CAPN15: variants seen among roughly 807,000 people sequenced by gnomAD.
CAPN15 encodes calpain 15.
In CAPN15, 53 loss-of-function variants were observed where a neutral mutation model predicts 97.9. The ratio of observed to expected loss-of-function variants is 0.54; its 90% CI spans 0.43 to 0.68. CAPN15 has a LOEUF of 0.68. Ranked by LOEUF, CAPN15 falls within the 30% of genes least tolerant of loss-of-function variation. The pLI, the probability that CAPN15 is intolerant of heterozygous loss-of-function variation, is 0.00. For missense variants in CAPN15, 1,592 were observed against 1,589.8 expected (o/e 1.00, Z -0.02); for synonymous variants, 922 against 722.5 (o/e 1.28, Z -4.43).
chr16:547,053 A>T lies in CAPN15; in HGVS notation c.215A>T (p.Glu72Val). 1 of 1,606,146 alleles carries T rather than the reference A, an allele frequency of 6.2e-7. No individual in the cohort carries two copies. The highest frequency in any genetic ancestry group is 8.5e-7 in the Non-Finnish European group (1 of 1,178,260). Residue 72 changes from glutamate to valine, a missense_variant, in exon 4 of 14, where the codon GAG (glutamate) becomes GTG (valine). Glu to Val is a moderately radical substitution (Grantham distance 121). Transcript: ENST00000219611. ...TGCGAGGTGTGCGGCTTCACCCCGG[A>T]GCCTGCGCCTGGGGCTGCCTTCCTG... is the stretch of plus-strand genomic sequence containing the variant. Reference protein sequence around the residue: ...EACEVCGFTPEPAPGAAFLPV... With the variant: ...EACEVCGFTPVPAPGAAFLPV...
chr16:552,304 C>T lies in CAPN15; in HGVS notation c.2511C>T (p.Arg837=). The T allele has an allele frequency of 6.4e-7, 1 of 1,555,432 alleles. No homozygotes were observed. Among genetic ancestry groups the T allele is most frequent in the Non-Finnish European group, 8.7e-7 (1 of 1,155,046 alleles). ...EFALFQEGSR[R]SDAVDSHLLD... ...TGGCCCGTGGTGTCTGGCGCAGGCG[C>T]TCGGACGCCGTGGACAGCCACCTGC... Residue 837 remains arginine, a synonymous_variant, in exon 11 of 14, where the codon CGC becomes CGT. Coordinates refer to ENST00000219611, the MANE Select transcript of CAPN15 (RefSeq NM_005632.3). The surrounding 1 kb of genome is among the most constrained non-coding windows in gnomAD (Gnocchi z 6.4).
At chr16:542,584 C>G (rs1253590980) in intron 3 of CAPN15, among the ~76,000 whole-genome samples, 1 of 152,052 alleles carries the variant, frequency 6.6e-6, no homozygotes, top group East Asian at 1.9e-4. Flanking sequence ...TTTTTTCATT[C>G]ATTCACTTAT....
In CAPN15 at chr16:549,163, G is replaced by T. The variant is rs368519251; in HGVS notation, c.1620G>T (p.Arg540=). The T allele has an allele frequency of 9.3e-6, 14 of 1,503,906 alleles. No individual in the cohort carries two copies. Among genetic ancestry groups the T allele is most frequent in the Non-Finnish European group, 1.2e-5 (13 of 1,122,022 alleles). 93.2% of individuals were successfully genotyped at this position (1,503,906 alleles called of 1,614,324 possible). A position where few individuals can be genotyped will look rare whatever the true frequency, so the allele number is the denominator to read the frequency against. The change falls in exon 5 of 14, where the codon CGG becomes CGT. Residue 540 remains arginine, a synonymous_variant. Coordinates refer to ENST00000219611, the MANE Select transcript of CAPN15 (RefSeq NM_005632.3). ...CGTGGTCTGTGTTCCACACACTGCG[G>T]CCCTCAGACATCCTGCAGGGGCTGC... The part of the protein sequence containing the change: ...RATWSVFHTL[R]PSDILQGLLG...
intron 3 of CAPN15, among the ~76,000 whole-genome samples, chr16:544,860 C>G (rs1383414023): frequency 1.2e-5 from 1 of 85,432 alleles, no homozygotes; most frequent in Non-Finnish European, 2.1e-5. Flanking sequence ...TCGCCTCCCC[C>G]ACGTCGCCTC....
At chr16:541,599 T>C (rs1181698673) in intron 3 of CAPN15, among the ~76,000 whole-genome samples, 1 of 152,224 alleles carries the variant, frequency 6.6e-6, no homozygotes, top group Non-Finnish European at 1.5e-5. Flanking sequence ...CGACAACAGC[T>C]TTGTTGAGGT....
In CAPN15 at chr16:552,260, C is replaced by CCGTGACCA; in HGVS notation, c.2508-38_2508-31dup. 6.5e-7 allele frequency: 1 copy of CCGTGACCA among 1,535,134 alleles called. No individual in the cohort carries two copies. The highest frequency in any genetic ancestry group is 1.2e-5 in the South Asian group (1 of 83,548). ...GGGCTGGGCTGGGCTAGGCTGGCGG[C>CCGTGACCA]CGTGACCACGCGTGACCCTGGCCCG... On this transcript the variant is annotated intron_variant, in intron 10 of 13. Coordinates refer to ENST00000219611, the MANE Select transcript of CAPN15 (RefSeq NM_005632.3). This position sits in a 1 kb window ranked among gnomAD's most constrained non-coding sequence, Gnocchi z 6.4.
At chr16:534,469 C>A (rs1596321755) in intron 2 of CAPN15, among the ~76,000 whole-genome samples, 1 of 152,286 alleles carries the variant, frequency 6.6e-6, no homozygotes, top group Middle Eastern at 3.4e-3. Context: ...ACGTCCTCCC[C>A]CAGGGCGGGG....
intron 7 of CAPN15, 99 bp from the exon 8 acceptor site, chr16:551,187 CCCCGGTCGGTGAGGGT>C (rs1359532781): frequency 5.9e-6 from 8 of 1,359,878 alleles, no homozygotes; most frequent in African/African-American, 2.0e-5. Flanking sequence ...TCGGTGAGGG[CCCCGGTCGGTGAGGGT>C]CCCCAGTCGG....
chr16:537,284 G>A (rs2033801097), intron 3 of CAPN15: 1 of 985,426 alleles, frequency 1.0e-6, no homozygotes, highest in Non-Finnish European at 1.2e-6. Context: ...GTGAGCGCAG[G>A]GGAGCAGGAG....
rs757114864 is a variant in CAPN15 at position 549,766 on chromosome 16, C to A, written c.1994C>A (p.Ser665Tyr). The A allele has an allele frequency of 9.4e-6, 15 of 1,592,456 alleles. No individual in the cohort carries two copies. Among genetic ancestry groups the A allele is most frequent in the African/African-American group, 2.7e-5 (2 of 74,234 alleles). The change falls in exon 7 of 14, where the codon TCC becomes TAC. Residue 665 changes from serine (S) to tyrosine (Y), a missense_variant. This residue lies in a region of CAPN15 where 644 missense variants were observed against 699.6 expected (regional missense o/e 0.92). Coordinates refer to ENST00000219611, the MANE Select transcript of CAPN15 (RefSeq NM_005632.3). The part of the protein sequence containing the change: ...PCESLALQLS[S>Y]TNPREEPVDT... ...GAGAGCCTGGCGCTGCAGCTCAGCT[C>A]CACTAACCCCCGCGAGGAGCCCGTT...
intron 3 of CAPN15, chr16:540,466 A>G (rs1218865938): frequency 1.9e-6 from 1 of 522,468 alleles, no homozygotes; most frequent in African/African-American, 2.1e-5. Flanking sequence ...CTTGCAGAGA[A>G]GTGGGTCCCT....
Position 549,314 on chromosome 16 carries a change from C to T in CAPN15, c.1685C>T (p.Ala562Val), listed in dbSNP as rs1022265639. 48 of 1,591,542 alleles carry T rather than the reference C, an allele frequency of 3.0e-5. No individual in the cohort carries two copies. Among genetic ancestry groups the T allele is most frequent in the Non-Finnish European group, 3.7e-5 (44 of 1,175,990 alleles). Reference protein sequence around the residue: ...CWFLSALAVLAERPDLVERVM... With the variant: ...CWFLSALAVLVERPDLVERVM... Reference sequence around the variant, plus strand: ...TTCCTGAGCGCCCTGGCGGTGCTGGCGGAGCGGCCGGACCTGGTGGAGCGG... The same window carrying T: ...TTCCTGAGCGCCCTGGCGGTGCTGGTGGAGCGGCCGGACCTGGTGGAGCGG... Residue 562 changes from alanine (A) to valine (V), a missense_variant, in exon 6 of 14, where the codon GCG becomes GTG. Physicochemically the swap from Ala to Val is moderately conservative, Grantham distance 64. Coordinates refer to ENST00000219611, the MANE Select transcript of CAPN15 (RefSeq NM_005632.3).
rs1241433784 is a variant in CAPN15 at position 547,251 on chromosome 16, A to G, written c.413A>G (p.Glu138Gly). 6 of 1,509,810 alleles carry G rather than the reference A, an allele frequency of 4.0e-6. No homozygotes were observed. Among genetic ancestry groups the G allele is most frequent in the Non-Finnish European group, 4.4e-6 (5 of 1,134,952 alleles). The allele number at this position is 1,509,810 out of a possible 1,614,324, so 93.5% of individuals were successfully genotyped here. ...GAGAAGGAGGAGCAGGAGGAGGAGGAGGGAGCGGCGGAGCCCAGAGGGGGC... is the reference window on the plus strand; with the variant it reads ...GAGAAGGAGGAGCAGGAGGAGGAGGGGGGAGCGGCGGAGCCCAGAGGGGGC... ...EEEKEEQEEE[E>G]GAAEPRGGWA... is the part of the protein sequence containing the mutation. The change falls in exon 4 of 14, where the codon GAG (glutamate) becomes GGG (glycine). Residue 138 changes from glutamate (E) to glycine (G), a missense_variant. Transcript: ENST00000219611.
intron 3 of CAPN15, among the ~76,000 whole-genome samples, chr16:545,713 G>A (rs114694375): frequency 0.044 from 6,775 of 152,324 alleles, 293 homozygotes; most frequent in African/African-American, 0.11. Context: ...AGGGCCAAAG[G>A]GAGGGTGTGT....
intron 1 of CAPN15, among the ~76,000 whole-genome samples, chr16:529,259 G>A (rs913388926): frequency 2.0e-5 from 3 of 152,138 alleles, no homozygotes; most frequent in African/African-American, 7.2e-5. Flanking sequence ...AACTGCGCAG[G>A]GCCTCTTGTC....
At position 549,203 on chromosome 16, in the gene CAPN15, T is replaced by C; in HGVS notation, c.1658+2T>C. On this transcript the variant is annotated splice_donor_variant, in intron 5 of 13. Coordinates refer to ENST00000219611, the MANE Select transcript of CAPN15 (RefSeq NM_005632.3). LOFTEE classifies it high-confidence loss of function. ...GCAGGGGCTGCTGGGGAACTGCTGG[T>C]GAGGCCTTCTCCAAGGCCGGGGTGG... 1.0e-6 allele frequency: 1 copy of C among 967,052 alleles called. No individual in the cohort carries two copies. Among genetic ancestry groups the C allele is most frequent in the Middle Eastern group, 3.0e-4 (1 of 3,372 alleles). The allele number at this position is 967,052 out of a possible 1,614,324, so 59.9% of individuals were successfully genotyped here.
chr16:546,861 C>A lies in CAPN15; in HGVS notation c.23C>A (p.Ser8Tyr). Reference sequence around the variant, plus strand: ...TCTATGGCCACGGTCGGAGAGTGGTCCTGTGTGCGCTGCACCTTCCTGAAC... The same window carrying A: ...TCTATGGCCACGGTCGGAGAGTGGTACTGTGTGCGCTGCACCTTCCTGAAC... MATVGEW[S>Y]CVRCTFLNPA... The change falls in exon 4 of 14, where the codon TCC becomes TAC. Residue 8 changes from serine to tyrosine, a missense_variant. Coordinates refer to ENST00000219611, the MANE Select transcript of CAPN15 (RefSeq NM_005632.3). 1 of 1,610,616 alleles carries A rather than the reference C, an allele frequency of 6.2e-7. No homozygotes were observed. Among genetic ancestry groups the A allele is most frequent in the Non-Finnish European group, 8.5e-7 (1 of 1,178,902 alleles).
At chr16:539,226 C>T (rs2141989502) in intron 3 of CAPN15, 1 of 152,424 alleles carries the variant, frequency 6.6e-6, no homozygotes, top group East Asian at 1.9e-4. Context: ...GAGACTTAAT[C>T]AGAAGCTGGA....
intron 3 of CAPN15, among the ~76,000 whole-genome samples, chr16:544,041 G>C (rs561157606): frequency 6.6e-6 from 1 of 152,280 alleles, no homozygotes; most frequent in African/African-American, 2.4e-5. Flanking sequence ...AGTGCCTGGC[G>C]CCCTCAATCA....
Sources: allele counts gnomAD v4.1 joint callset (sites outside exome capture counted in the v4.1 genomes callset), GRCh38; gene constraint gnomAD v4.1.1; regional missense constraint gnomAD v4.1.1; non-coding constraint Gnocchi (gnomAD v3.1); transcripts MANE v1.5; gene names NCBI Gene and HGNC (gene_info 2026-07-23, HGNC 2026-07-21).